The following SMC3 variants were observed in gnomAD, a reference collection of about 807,000 sequenced individuals.
SMC3 encodes the protein structural maintenance of chromosomes protein 3.
Under a neutral mutation model 171.8 loss-of-function variants are expected in SMC3, and 20 were observed. That is an observed-to-expected ratio of 0.12 (90% confidence interval 0.08 to 0.17). The LOEUF is 0.17. SMC3 is among the 10% of genes least tolerant of loss of function. The pLI, the probability that SMC3 is intolerant of heterozygous loss-of-function variation, is 1.00. For synonymous variants in SMC3, 464 were observed against 451.1 expected (o/e 1.03, Z -0.36); for missense variants, 543 against 1,420.4 (o/e 0.38, Z 9.93).
At position 110,601,921 on chromosome 10, in the gene SMC3, C is replaced by A. The variant is rs531794542; in HGVS notation, c.2892+37C>A. ...ATTTGAAGTCTTGTTACAAATTGCT[C>A]AGTATATAAATTTATTTATATGAAT... On this transcript the variant is annotated intron_variant, in intron 24 of 28. Coordinates refer to ENST00000361804, the MANE Select transcript of SMC3 (RefSeq NM_005445.4). The A allele has an allele frequency of 3.7e-6, 6 of 1,611,704 alleles. No homozygotes were observed. The East Asian group carries it at 6.7e-5, about 18-fold the overall frequency.
intron 22 of SMC3, among the ~76,000 whole-genome samples, chr10:110,600,762 C>A (rs183034385): frequency 6.6e-6 from 1 of 152,060 alleles, no homozygotes; most frequent in African/African-American, 2.4e-5. Flanking sequence ...TAAGCATTAT[C>A]ATACTTGTTT....
intron 3 of SMC3, 42 bp from the exon 4 acceptor site, chr10:110,575,294 C>CA: frequency 6.8e-7 from 1 of 1,460,006 alleles, no homozygotes; most frequent in Non-Finnish European, 9.6e-7. Context: ...AAGTTATAAA[C>CA]ACTTTTTTAG....
In SMC3 at chr10:110,567,717, G is replaced by C. The variant is rs1860791954; in HGVS notation, c.-100G>C. On this transcript the variant is annotated 5_prime_UTR_variant, in exon 1 of 29. Coordinates refer to ENST00000361804, the MANE Select transcript of SMC3 (RefSeq NM_005445.4). ...TTTGTTTGGCTGAGGGGAGCGAGCG[G>C]CGCTTTGGGGGAGGGGTCGCGTAGG... 1.4e-6 allele frequency: 2 copies of C among 1,450,388 alleles called. No homozygotes were observed. The highest frequency in any genetic ancestry group is 3.5e-5 in the Admixed American group (2 of 57,572). The allele number at this position is 1,450,388 out of a possible 1,614,324, so 89.8% of individuals were successfully genotyped here.
intron 17 of SMC3, among the ~76,000 whole-genome samples, chr10:110,592,077 A>C (rs1225465372): frequency 3.3e-5 from 5 of 152,156 alleles, no homozygotes; most frequent in Admixed American, 6.5e-5. Context: ...CAGCCTGGCC[A>C]ACAAGGCAAA....
chr10:110,582,601 CAATT>C lies in SMC3; in HGVS notation c.766_769del (p.Leu256GlufsTer21). 6.2e-7 allele frequency: 1 copy of C among 1,613,492 alleles called. No homozygotes were observed. The highest frequency in any genetic ancestry group is 8.5e-7 in the Non-Finnish European group (1 of 1,179,596). ...AGAGACTAGTGGAGAAAAATCCAGA[CAATT>C]AAGAGATGCTCAGCAGGATGCAAGA... On this transcript the variant is annotated frameshift_variant, in exon 10 of 29. Transcript: ENST00000361804. LOFTEE classifies it high-confidence loss of function.
Position 110,601,686 on chromosome 10 carries a change from G to T in SMC3, c.2694G>T (p.Gln898His). 6.2e-7 allele frequency: 1 copy of T among 1,612,944 alleles called. No individual in the cohort carries two copies. The highest frequency in any genetic ancestry group is 8.5e-7 in the Non-Finnish European group (1 of 1,179,484). The change falls in exon 24 of 29, where the codon CAG becomes CAT. Residue 898 changes from glutamine to histidine, a missense_variant. This residue lies in a region of SMC3 where 81 missense variants were observed against 184.2 expected (regional missense o/e 0.44). Coordinates refer to ENST00000361804, the MANE Select transcript of SMC3 (RefSeq NM_005445.4). Reference protein sequence around the residue: ...DKTEAGIKELQKSMERWKNME... With the variant: ...DKTEAGIKELHKSMERWKNME... ...CAGAAGCTGGAATTAAGGAGCTTCA[G>T]AAGAGTATGGAGCGCTGGAAAAATA... is the stretch of plus-strand genomic sequence containing the variant.
At chr10:110,595,939 T>TTTTTA (rs397951768) in intron 18 of SMC3, among the ~76,000 whole-genome samples, 1 of 140,686 alleles carries the variant, frequency 7.1e-6, no homozygotes, top group African/African-American at 2.6e-5. Context: ...TTTTTTTTTT[T>TTTTTA]AAAGACTGCA....
chr10:110,604,160 A>G (rs1400646250), intron 28 of SMC3, 71 bp from the exon 29 acceptor site: 1 of 843,124 alleles, frequency 1.2e-6, no homozygotes, highest in South Asian at 1.4e-5. Flanking sequence ...GATAGGCTGT[A>G]TATATTTACC....
chr10:110,582,174 A>G, intron 9 of SMC3, 76 bp downstream of exon 9: 1 of 1,248,610 alleles, frequency 8.0e-7, no homozygotes, highest in East Asian at 2.3e-5. Flanking sequence ...GGCCATAATT[A>G]CACTTTTCAG....
rs746801454 is a variant in SMC3 at position 110,590,540 on chromosome 10, C to T, written c.1638C>T (p.Phe546=). 3.1e-6 allele frequency: 5 copies of T among 1,614,136 alleles called. No individual in the cohort carries two copies. Among genetic ancestry groups the T allele is most frequent in the Admixed American group, 3.3e-5 (2 of 60,030 alleles). The stretch of plus-strand genomic sequence containing the variant: ...ATAACTTTGAATGTGAACCAGCTTT[C>T]TACACATGCGTGGAAGTCACTGCTG... The part of the protein sequence containing the change: ...VMNNFECEPA[F]YTCVEVTAGN... The change falls in exon 16 of 29, where the codon TTC becomes TTT. Residue 546 remains phenylalanine, a synonymous_variant. Coordinates refer to ENST00000361804, the MANE Select transcript of SMC3 (RefSeq NM_005445.4).
chr10:110,580,844 A>G, intron 7 of SMC3, 60 bp from the exon 8 acceptor site: 1 of 891,848 alleles, frequency 1.1e-6, no homozygotes, highest in Non-Finnish European at 1.9e-6. Flanking sequence ...TTCAACGTGG[A>G]GTTCTTCTTC....
In SMC3 at chr10:110,602,454, C is replaced by A. The variant is rs532560775; in HGVS notation, c.3106-20C>A. 17 of 1,595,576 alleles carry A rather than the reference C, an allele frequency of 1.1e-5. No homozygotes were observed. In the African/African-American group the frequency reaches 2.3e-4, roughly 21 times the overall value. ...ATAATTCTAAGCAAAATTTATATTT[C>A]AATCTGCTTTTGTTTTAAGGTATCT... On this transcript the variant is annotated intron_variant, in intron 25 of 28. Transcript: ENST00000361804.
Position 110,605,454 on chromosome 10 carries a change from T to C in SMC3, c.*1152T>C, listed in dbSNP as rs932337696. Among the ~76,000 whole-genome samples the C allele has an allele frequency of 3.3e-5, 5 of 152,224 alleles. No individual in the cohort carries two copies. The highest frequency in any genetic ancestry group is 1.2e-4 in the African/African-American group (5 of 41,460). On this transcript the variant is annotated 3_prime_UTR_variant, in exon 29 of 29. Coordinates refer to ENST00000361804, the MANE Select transcript of SMC3 (RefSeq NM_005445.4). ...TTCTTGATTTCCCCTGGCCTGAGTT[T>C]ATACTGGTTATCTGCAGGAGAATTT...
At chr10:110,582,687 G>T (rs1366982337) in intron 10 of SMC3, 45 bp downstream of exon 10, 1 of 1,425,060 alleles carries the variant, frequency 7.0e-7, no homozygotes. Flanking sequence ...TTTTACTTTT[G>T]AGACAGGGTC....
At chr10:110,569,707 A>G (rs752540443) in intron 2 of SMC3, among the ~76,000 whole-genome samples, 1 of 152,174 alleles carries the variant, frequency 6.6e-6, no homozygotes. Context: ...TGTAAAGTGG[A>G]GATGATACCT....
At chr10:110,578,343 T>C (rs1352274839) in intron 6 of SMC3, among the ~76,000 whole-genome samples, 1 of 152,238 alleles carries the variant, frequency 6.6e-6, no homozygotes, top group Non-Finnish European at 1.5e-5. Context: ...AGTGCTGGGA[T>C]TAGAGGCATG....
intron 8 of SMC3, 27 bp downstream of exon 8, chr10:110,581,048 T>A: frequency 7.8e-7 from 1 of 1,289,696 alleles, no homozygotes; most frequent in Non-Finnish European, 1.1e-6. Context: ...TCTGCCTTAT[T>A]TTTTTGTTGC....
intron 22 of SMC3, 105 bp from the exon 23 acceptor site, chr10:110,600,917 A>C: frequency 1.3e-6 from 1 of 797,120 alleles, no homozygotes; most frequent in Non-Finnish European, 2.2e-6. Context: ...TATATGATGT[A>C]TTTATATTTT....
intron 1 of SMC3, 150 bp from the exon 2 acceptor site, chr10:110,568,788 T>A: frequency 1.6e-5 from 10 of 630,046 alleles, no homozygotes; most frequent in Non-Finnish European, 1.7e-5. Flanking sequence ...TTTAGCAGAT[T>A]TTTAATCACC....
Sources: gnomAD v4.1 joint callset for allele counts (sites outside exome capture counted in the v4.1 genomes callset) on GRCh38, gnomAD v4.1.1 for gene constraint, gnomAD v4.1.1 regional missense constraint, MANE v1.5 for transcripts, NCBI Gene and HGNC (gene_info 2026-07-23, HGNC 2026-07-21) for gene names.